Variants in OPHN1 observed in about 807,000 individuals in gnomAD.
The protein encoded by OPHN1 is oligophrenin 1.
OPHN1 carries 11 observed loss-of-function variants against 60.7 expected under a neutral mutation model. The observed-to-expected ratio is 0.18, with a 90% confidence interval of 0.11 to 0.30. The LOEUF is 0.30. Ranked by LOEUF, OPHN1 falls within the 10% of genes least tolerant of loss-of-function variation. OPHN1 has a pLI of 1.00. For missense variants in OPHN1, 449 were observed against 611.0 expected (o/e 0.73, Z 2.80); for synonymous variants, 226 against 222.6 (o/e 1.02, Z -0.14).
chrX:68,243,557 T>C (rs2077791588), intron 5 of OPHN1, among the ~76,000 whole-genome samples: 1 of 110,375 alleles, frequency 9.1e-6, no homozygotes. Context: ...CCAGCTAATT[T>C]TTGTATTTTT....
At chrX:68,048,578 G>GATTC in intron 23 of OPHN1, 121 bp from the exon 24 acceptor site, 1 of 588,010 alleles carries the variant, frequency 1.7e-6, no homozygotes, top group South Asian at 2.5e-5. Flanking sequence ...ATGGAGAAGT[G>GATTC]ATTCAGCCCA....
intron 6 of OPHN1, among the ~76,000 whole-genome samples, chrX:68,231,710 A>G (rs1371825630): frequency 8.9e-6 from 1 of 112,094 alleles, no homozygotes; most frequent in African/African-American, 3.2e-5. Flanking sequence ...GTTACAAACC[A>G]TATGATACCA....
At chrX:68,383,078 T>C (rs904699546) in intron 2 of OPHN1, among the ~76,000 whole-genome samples, 1 of 110,652 alleles carries the variant, frequency 9.0e-6, no homozygotes, top group African/African-American at 3.3e-5. Flanking sequence ...ATCCCAACAC[T>C]TTGTGAGGCC....
intron 15 of OPHN1, among the ~76,000 whole-genome samples, chrX:68,180,835 T>G (rs910053276): frequency 8.9e-6 from 1 of 112,117 alleles, no homozygotes; most frequent in African/African-American, 3.2e-5. Flanking sequence ...AATCAATTTT[T>G]CTGAACAATG....
chrX:68,317,376 A>AAAGAAAGAAAGGAAGGAAGG (rs1555970490), intron 2 of OPHN1, among the ~76,000 whole-genome samples: 38 of 50,570 alleles, frequency 7.5e-4, no homozygotes, highest in African/African-American at 1.9e-3. Context: ...AGAAAGAAAG[A>AAAGAAAGAAAGGAAGGAAGG]AAGGAAGGAA....
chrX:68,375,157 AC>A (rs921381878), intron 2 of OPHN1, among the ~76,000 whole-genome samples: 3 of 112,382 alleles, frequency 2.7e-5, no homozygotes, highest in Admixed American at 9.5e-5. Flanking sequence ...ACAAAAAAAA[AC>A]ATATAATAAT....
intron 18 of OPHN1, among the ~76,000 whole-genome samples, chrX:68,099,383 T>C (rs2147407815): frequency 9.0e-6 from 1 of 111,240 alleles, no homozygotes; most frequent in Non-Finnish European, 1.9e-5. Context: ...ATTGCATGGT[T>C]TAGATTAGAG....
At chrX:68,266,668 A>G (rs1159748206) in intron 5 of OPHN1, among the ~76,000 whole-genome samples, 1 of 111,676 alleles carries the variant, frequency 9.0e-6, no homozygotes, top group East Asian at 2.8e-4. Context: ...GATCAAATTT[A>G]CACGTAACAA....
chrX:68,115,804 A>T, intron 16 of OPHN1, among the ~76,000 whole-genome samples: 1 of 112,153 alleles, frequency 8.9e-6, no homozygotes, highest in Middle Eastern at 4.7e-3. Context: ...TAAGAGATTT[A>T]TTCTGAGCCA....
chrX:68,214,267 T>G (rs1454768895), intron 6 of OPHN1, among the ~76,000 whole-genome samples: 1 of 111,983 alleles, frequency 8.9e-6, no homozygotes, highest in Non-Finnish European at 1.9e-5. Context: ...AACAGAGAAC[T>G]GAAGTCAGAG....
intron 2 of OPHN1, among the ~76,000 whole-genome samples, chrX:68,414,809 C>T (rs2078786125): frequency 8.9e-6 from 1 of 111,877 alleles, no homozygotes; most frequent in African/African-American, 3.2e-5. Context: ...CCATTACTTG[C>T]TGATGAGCTC....
intron 15 of OPHN1, among the ~76,000 whole-genome samples, chrX:68,189,326 CAG>C (rs1351279617): frequency 2.7e-5 from 3 of 111,794 alleles, no homozygotes; most frequent in Non-Finnish European, 5.6e-5. Context: ...GAAAGAGAAA[CAG>C]AACTCTTTTT....
intron 2 of OPHN1, among the ~76,000 whole-genome samples, chrX:68,373,608 A>C (rs1028593490): frequency 2.7e-5 from 3 of 111,786 alleles, no homozygotes; most frequent in African/African-American, 9.7e-5. Flanking sequence ...GTACTCCAAC[A>C]TCCTTGGAAG....
intron 2 of OPHN1, among the ~76,000 whole-genome samples, chrX:68,372,782 T>C (rs377520906): frequency 9.0e-5 from 10 of 111,458 alleles, no homozygotes; most frequent in Non-Finnish European, 1.7e-4. Context: ...ACCAGACTGA[T>C]AATGATCTCT....
At chrX:68,382,818 A>G (rs1302996319) in intron 2 of OPHN1, among the ~76,000 whole-genome samples, 1 of 111,980 alleles carries the variant, frequency 8.9e-6, no homozygotes, top group Non-Finnish European at 1.9e-5. Context: ...CCACAAAAAG[A>G]ATAGATCTTG....
chrX:68,391,048 A>G (rs2078651140), intron 2 of OPHN1, among the ~76,000 whole-genome samples: 1 of 110,918 alleles, frequency 9.0e-6, no homozygotes, highest in African/African-American at 3.3e-5. Flanking sequence ...CCACCACATC[A>G]TCTTCTCTCT....
At chrX:68,240,434 A>G (rs1388614277) in intron 5 of OPHN1, among the ~76,000 whole-genome samples, 1 of 111,163 alleles carries the variant, frequency 9.0e-6, no homozygotes, top group Non-Finnish European at 1.9e-5. Flanking sequence ...TTCCATTTCA[A>G]TATCTTTAAT....
At chrX:68,148,590 T>G (rs1476896351) in intron 15 of OPHN1, among the ~76,000 whole-genome samples, 1 of 110,308 alleles carries the variant, frequency 9.1e-6, no homozygotes, top group Non-Finnish European at 1.9e-5. Context: ...GAGCCCATAA[T>G]GAAAATGAGG....
At chrX:68,371,010 C>T (rs1021714832) in intron 2 of OPHN1, among the ~76,000 whole-genome samples, 2 of 110,498 alleles carry the variant, frequency 1.8e-5, no homozygotes, top group African/African-American at 6.6e-5. Flanking sequence ...GGAAGTAAGC[C>T]CTTCCTTATC....
Sources: gnomAD v4.1 joint callset for allele counts (sites outside exome capture counted in the v4.1 genomes callset) on GRCh38, gnomAD v4.1.1 for gene constraint, MANE v1.5 for transcripts, NCBI Gene and HGNC (gene_info 2026-07-23, HGNC 2026-07-21) for gene names.